The following PRPH2 variants were observed in gnomAD, a reference collection of about 807,000 sequenced individuals.
The protein encoded by PRPH2 is peripherin-2.
A neutral mutation model predicts 31.3 loss-of-function variants in PRPH2; 17 were observed. That is an observed-to-expected ratio of 0.54 (90% CI 0.37 to 0.81). The LOEUF (loss-of-function observed/expected upper bound fraction) is 0.81. Among genes scored for constraint, PRPH2 ranks in the 40% least tolerant of loss-of-function variants. The probability of loss-of-function intolerance (pLI) is 0.00; values close to 1 mark genes in which losing one functional copy is unlikely to be tolerated. For missense variants in PRPH2, 430 were observed against 439.7 expected (o/e 0.98, Z 0.20); for synonymous variants, 165 against 184.4 (o/e 0.89, Z 0.85).
chr6:42,717,892 G>A (rs1243435002), intron 1 of PRPH2, among the ~76,000 whole-genome samples: 3 of 152,154 alleles, frequency 2.0e-5, no homozygotes, highest in Admixed American at 1.3e-4. Flanking sequence ...GGGACTGGGC[G>A]CGGTGGCTCA....
chr6:42,714,049 T>C (rs1446159174), intron 1 of PRPH2, among the ~76,000 whole-genome samples: 1 of 151,898 alleles, frequency 6.6e-6, no homozygotes, highest in African/African-American at 2.4e-5. Context: ...CAAACATTCA[T>C]TTAATGCCGA....
At chr6:42,701,682 A>ATTTTT (rs70990127) in intron 2 of PRPH2, among the ~76,000 whole-genome samples, 14,380 of 77,690 alleles carry the variant, frequency 0.19, 3,035 homozygotes, top group East Asian at 0.35. Context: ...ACGTCCAGCA[A>ATTTTT]TTTTTTTTTT....
Position 42,697,597 on chromosome 6 carries a change from G to A in PRPH2, c.*698C>T, listed in dbSNP as rs1453921911. The stretch of plus-strand genomic sequence containing the variant: ...CAACCCGTGGTTCACTCCAGACTCA[G>A]TGACCGAGGGCATGTGAATGGGACA... On this transcript the variant is annotated 3_prime_UTR_variant, in exon 3 of 3. Transcript: ENST00000230381. 6.6e-6 allele frequency: 1 copy of A among 152,370 alleles called. No homozygotes were observed. Among genetic ancestry groups the A allele is most frequent in the Non-Finnish European group, 1.5e-5 (1 of 68,204 alleles). 9.4% of individuals were successfully genotyped at this position (152,370 alleles called of 1,614,324 possible). A position where few individuals can be genotyped will look rare whatever the true frequency, so the allele number is the denominator to read the frequency against.
chr6:42,698,677 A>C (rs1269271761), intron 2 of PRPH2, among the ~76,000 whole-genome samples, 170 bp from the exon 3 acceptor site: 1 of 152,050 alleles, frequency 6.6e-6, no homozygotes, highest in Non-Finnish European at 1.5e-5. Context: ...CTCAGTGCTC[A>C]ACACACCTGA....
intron 1 of PRPH2, 119 bp downstream of exon 1, chr6:42,721,635 T>C (rs1163135054): frequency 8.6e-7 from 1 of 1,163,802 alleles, no homozygotes; most frequent in Non-Finnish European, 1.3e-6. Context: ...CAGCAATAAG[T>C]TGTGCACCCG....
At chr6:42,713,919 CAAAAAAAAAAAAA>C (rs55805454) in intron 1 of PRPH2, among the ~76,000 whole-genome samples, 10 of 38,096 alleles carry the variant, frequency 2.6e-4, no homozygotes, top group African/African-American at 7.8e-4. Flanking sequence ...GACTCCATCT[CAAAAAAAAAAAAA>C]AAAAAAAAAA....
intron 1 of PRPH2, among the ~76,000 whole-genome samples, chr6:42,720,004 A>G: frequency 6.6e-6 from 1 of 152,112 alleles, no homozygotes; most frequent in East Asian, 1.9e-4. Context: ...TTGTTTTCCT[A>G]TTTTGGCTTC....
Position 42,722,546 on chromosome 6 carries a change from G to T in PRPH2, c.-212C>A. ...CAGGGGTCTCGGAATCACAGCTTGA[G>T]CAGGGGATAGTCCTGGTCCTGGGCG... On this transcript the variant is annotated 5_prime_UTR_variant, in exon 1 of 3. Transcript: ENST00000230381. The surrounding 1 kb of genome is among the most constrained non-coding windows in gnomAD (Gnocchi z 4.4). 1 of 1,444,284 alleles carries T rather than the reference G, an allele frequency of 6.9e-7. No individual in the cohort carries two copies. Among genetic ancestry groups the T allele is most frequent in the Non-Finnish European group, 9.1e-7 (1 of 1,102,328 alleles). The allele number at this position is 1,444,284 out of a possible 1,614,324, so 89.5% of individuals were successfully genotyped here.
chr6:42,711,109 A>T (rs562449175), intron 1 of PRPH2, among the ~76,000 whole-genome samples: 15 of 152,288 alleles, frequency 9.8e-5, no homozygotes, highest in Non-Finnish European at 2.1e-4. Flanking sequence ...GAGGCCCAGC[A>T]TGACAGTGGT....
At chr6:42,713,780 C>T (rs935009878) in intron 1 of PRPH2, among the ~76,000 whole-genome samples, 4 of 151,408 alleles carry the variant, frequency 2.6e-5, no homozygotes, top group Non-Finnish European at 5.9e-5. Context: ...ATTAGCTGGG[C>T]GTGATGGTGG....
intron 1 of PRPH2, among the ~76,000 whole-genome samples, chr6:42,710,131 G>T (rs1309194848): frequency 1.3e-5 from 2 of 152,052 alleles, no homozygotes; most frequent in Non-Finnish European, 2.9e-5. Context: ...TCACACTGGG[G>T]CTCCCTGAGT....
At position 42,722,116 on chromosome 6, in the gene PRPH2, G is replaced by A; in HGVS notation, c.219C>T (p.Val73=). 1.2e-6 allele frequency: 2 copies of A among 1,614,188 alleles called. No individual in the cohort carries two copies. The highest frequency in any genetic ancestry group is 1.7e-6 in the Non-Finnish European group (2 of 1,180,032). The change falls in exon 1 of 3, where the codon GTC becomes GTT. Residue 73 remains valine, a synonymous_variant. Coordinates refer to ENST00000230381, the MANE Select transcript of PRPH2 (RefSeq NM_000322.5). The surrounding 1 kb of genome is among the most constrained non-coding windows in gnomAD (Gnocchi z 4.4). ...SLIGMGVLSC[V]FNSLAGKICY... ...AGATCTTCCCAGCCAGCGAGTTGAAGACACAGGATAGCACCCCCATCCCTA... is the reference window on the plus strand; with the variant it reads ...AGATCTTCCCAGCCAGCGAGTTGAAAACACAGGATAGCACCCCCATCCCTA...
chr6:42,722,069 G>A lies in PRPH2; in HGVS notation c.266C>T (p.Ala89Val), dbSNP rs1562434177. Residue 89 changes from alanine to valine, a missense_variant, in exon 1 of 3, where the codon GCC (alanine) becomes GTC (valine). Physicochemically the swap from Ala to Val is moderately conservative, Grantham distance 64. Transcript: ENST00000230381. The surrounding 1 kb of genome is among the most constrained non-coding windows in gnomAD (Gnocchi z 4.4). ...CCAGGGCTTCCATCTGGCATACTTG[G>A]CTGGGTCCAGGGCGTCGTAGCAGAT... ...GKICYDALDP[A>V]KYARWKPWLK... The A allele has an allele frequency of 6.2e-7, 1 of 1,614,034 alleles. No homozygotes were observed. Among genetic ancestry groups the A allele is most frequent in the Non-Finnish European group, 8.5e-7 (1 of 1,180,024 alleles).
At chr6:42,701,683 T>TTTTTTTTTTTTTTTTTTTTTTTTTC in intron 2 of PRPH2, among the ~76,000 whole-genome samples, 1 of 42,266 alleles carries the variant, frequency 2.4e-5, no homozygotes, top group South Asian at 8.6e-4. Context: ...CGTCCAGCAA[T>TTTTTTTTTTTTTTTTTTTTTTTTTC]TTTTTTTTTT....
chr6:42,701,045 T>G (rs1020487884), intron 2 of PRPH2, among the ~76,000 whole-genome samples: 1 of 151,518 alleles, frequency 6.6e-6, no homozygotes, highest in African/African-American at 2.4e-5. Flanking sequence ...GTTGAGATCA[T>G]GGCTTACAGC....
chr6:42,709,899 A>G (rs544217256), intron 1 of PRPH2, among the ~76,000 whole-genome samples: 1 of 152,288 alleles, frequency 6.6e-6, no homozygotes, highest in East Asian at 1.9e-4. Flanking sequence ...GGTACCTACC[A>G]GGTGGCCCTA....
At position 42,704,046 on chromosome 6, in the gene PRPH2, G is replaced by C. The variant is rs189759867; in HGVS notation, c.828+319C>G. On this transcript the variant is annotated intron_variant, in intron 2 of 2. Transcript: ENST00000230381. ...ACCCAGGAGAGGGAGGTTGCAGTGA[G>C]CTGAGATCATGCCACTGCACTCCAG... is the stretch of plus-strand genomic sequence containing the variant. Among the ~76,000 whole-genome samples the C allele has an allele frequency of 4.8e-4, 73 of 151,672 alleles. 1 individual carries two copies. Among genetic ancestry groups the C allele is most frequent in the Non-Finnish European group, 8.5e-4 (58 of 67,988 alleles).
intron 2 of PRPH2, among the ~76,000 whole-genome samples, chr6:42,703,685 G>A (rs1800089490): frequency 6.6e-6 from 1 of 152,164 alleles, no homozygotes. Context: ...CTGCTTCATG[G>A]GTGTGAGATT....
At chr6:42,719,523 G>A (rs896478011) in intron 1 of PRPH2, among the ~76,000 whole-genome samples, 2 of 150,032 alleles carry the variant, frequency 1.3e-5, no homozygotes, top group Admixed American at 6.7e-5. Context: ...TGGATATTAT[G>A]CAAATGTTAT....
Sources: allele counts gnomAD v4.1 joint callset (sites outside exome capture counted in the v4.1 genomes callset), GRCh38; gene constraint gnomAD v4.1.1; non-coding constraint Gnocchi (gnomAD v3.1); transcripts MANE v1.5; gene names NCBI Gene and HGNC (gene_info 2026-07-23, HGNC 2026-07-21).